Variants in HCN1 observed in about 807,000 individuals in gnomAD.
HCN1 encodes the protein hyperpolarization activated cyclic nucleotide gated potassium channel 1, also known as potassium/sodium hyperpolarization-activated cyclic nucleotide-gated channel 1.
Under a neutral mutation model 78.9 loss-of-function variants are expected in HCN1, and 13 were observed. The observed-to-expected ratio is 0.16, with a 90% CI of 0.11 to 0.26. The LOEUF (loss-of-function observed/expected upper bound fraction) is 0.26. HCN1 is among the 10% of genes least tolerant of loss of function. The pLI, the probability that HCN1 is intolerant of heterozygous loss-of-function variation, is 1.00. For synonymous variants in HCN1, 552 were observed against 455.5 expected (o/e 1.21, Z -2.70); for missense variants, 810 against 1,154.3 (o/e 0.70, Z 4.32).
intron 4 of HCN1, among the ~76,000 whole-genome samples, chr5:45,395,034 T>A (rs983500153): frequency 6.6e-6 from 1 of 152,164 alleles, no homozygotes; most frequent in Admixed American, 6.5e-5. Context: ...ACTTGGCTAA[T>A]ACAGGAAATT....
chr5:45,400,859 G>C (rs561929220), intron 3 of HCN1, among the ~76,000 whole-genome samples: 5 of 152,040 alleles, frequency 3.3e-5, no homozygotes, highest in African/African-American at 1.2e-4. Context: ...ACACACACAT[G>C]CACATACACA....
chr5:45,665,352 G>T (rs1746016806), intron 1 of HCN1, among the ~76,000 whole-genome samples: 1 of 150,874 alleles, frequency 6.6e-6, no homozygotes, highest in South Asian at 2.1e-4. Context: ...AATGCTAAAT[G>T]ACGAGTTAAT....
Position 45,674,579 on chromosome 5 carries a change from T to C in HCN1, c.425+21090A>G, listed in dbSNP as rs568282738. ...TTTATTAGATACAACTTAAGAAAATTTGTGTCCTCTTCTACAACTTACACT... is the reference window on the plus strand; with the variant it reads ...TTTATTAGATACAACTTAAGAAAATCTGTGTCCTCTTCTACAACTTACACT... On this transcript the variant is annotated intron_variant, in intron 1 of 7. Transcript: ENST00000303230. 4.6e-5 allele frequency among the ~76,000 whole-genome samples: 7 copies of C among 151,916 alleles called. No individual in the cohort carries two copies. The East Asian group carries it at 1.4e-3, about 29-fold the overall frequency.
intron 5 of HCN1, among the ~76,000 whole-genome samples, chr5:45,346,004 T>G (rs1318819131): frequency 2.6e-5 from 4 of 152,220 alleles, no homozygotes; most frequent in Non-Finnish European, 5.9e-5. Context: ...CTCAAGAAAC[T>G]TACAAGCATG....
At chr5:45,537,058 G>C (rs1340684156) in intron 2 of HCN1, among the ~76,000 whole-genome samples, 2 of 152,134 alleles carry the variant, frequency 1.3e-5, no homozygotes, top group East Asian at 3.9e-4. Flanking sequence ...CCTTCTCAAA[G>C]GATTTGCCTT....
intron 2 of HCN1, among the ~76,000 whole-genome samples, chr5:45,612,161 T>C (rs1472020037): frequency 6.6e-6 from 1 of 152,228 alleles, no homozygotes; most frequent in African/African-American, 2.4e-5. Flanking sequence ...ATGTTATTTC[T>C]GGAGTCTTGA....
At chr5:45,605,051 G>T (rs1394542685) in intron 2 of HCN1, among the ~76,000 whole-genome samples, 1 of 151,878 alleles carries the variant, frequency 6.6e-6, no homozygotes, top group Non-Finnish European at 1.5e-5. Flanking sequence ...TACACTGAAG[G>T]CTTATTAAAA....
chr5:45,604,467 T>C (rs538866880), intron 2 of HCN1, among the ~76,000 whole-genome samples: 2 of 152,022 alleles, frequency 1.3e-5, no homozygotes, highest in Non-Finnish European at 2.9e-5. Flanking sequence ...TACTAATAAA[T>C]AATGGTATTG....
chr5:45,615,095 C>A (rs1744916899), intron 2 of HCN1, among the ~76,000 whole-genome samples: 1 of 151,612 alleles, frequency 6.6e-6, no homozygotes, highest in African/African-American at 2.4e-5. Context: ...AACAAAACAT[C>A]ATTTCCTGTA....
chr5:45,359,169 T>G (rs1259533009), intron 4 of HCN1, among the ~76,000 whole-genome samples: 1 of 152,042 alleles, frequency 6.6e-6, no homozygotes, highest in Non-Finnish European at 1.5e-5. Context: ...TGTTATAGAG[T>G]CAGATTACAG....
At chr5:45,378,674 C>T (rs1747740744) in intron 4 of HCN1, among the ~76,000 whole-genome samples, 1 of 152,052 alleles carries the variant, frequency 6.6e-6, no homozygotes, top group African/African-American at 2.4e-5. Flanking sequence ...GCACAACGTG[C>T]AGGTTTGTCA....
At chr5:45,689,292 T>G (rs1163794019) in intron 1 of HCN1, among the ~76,000 whole-genome samples, 1 of 151,578 alleles carries the variant, frequency 6.6e-6, no homozygotes, top group Admixed American at 6.6e-5. Context: ...GAAGTTAAAA[T>G]AAAAGTTGAA....
chr5:45,609,941 T>C (rs978880144), intron 2 of HCN1, among the ~76,000 whole-genome samples: 14 of 152,136 alleles, frequency 9.2e-5, no homozygotes, highest in Admixed American at 2.0e-4. Flanking sequence ...TAAAAGACCT[T>C]GGCATTAGAT....
At chr5:45,336,110 G>T (rs1561111831) in intron 5 of HCN1, among the ~76,000 whole-genome samples, 1 of 151,976 alleles carries the variant, frequency 6.6e-6, no homozygotes, top group African/African-American at 2.4e-5. Flanking sequence ...CATGTTAAGT[G>T]GATGGGAGGA....
chr5:45,664,468 A>T (rs1745991965), intron 1 of HCN1, among the ~76,000 whole-genome samples: 1 of 146,312 alleles, frequency 6.8e-6, no homozygotes. Context: ...AATAATAAAA[A>T]AAAGAAAAAA....
intron 3 of HCN1, among the ~76,000 whole-genome samples, chr5:45,443,067 C>T (rs532728290): frequency 2.0e-5 from 3 of 151,968 alleles, no homozygotes; most frequent in African/African-American, 7.2e-5. Context: ...GGGAATTTTG[C>T]CTTCGAAAGT....
chr5:45,443,354 G>GA (rs1387828584), intron 3 of HCN1, among the ~76,000 whole-genome samples: 1 of 151,908 alleles, frequency 6.6e-6, no homozygotes, highest in African/African-American at 2.4e-5. Flanking sequence ...GAAAGTAAAT[G>GA]AAAAAATACA....
chr5:45,514,881 A>T (rs1007236232), intron 2 of HCN1, among the ~76,000 whole-genome samples: 9 of 152,056 alleles, frequency 5.9e-5, no homozygotes, highest in Admixed American at 5.3e-4. Context: ...TTCATTGCAA[A>T]TATTTTTTTC....
In HCN1 at chr5:45,376,186, T is replaced by C. The variant is rs1253923177; in HGVS notation, c.1230+20306A>G. On this transcript the variant is annotated intron_variant, in intron 4 of 7. Transcript: ENST00000303230. ...TTTATAATATATAATATATTACATATAATATATATAACATATTTTATATAT... is the reference window on the plus strand; with the variant it reads ...TTTATAATATATAATATATTACATACAATATATATAACATATTTTATATAT... 6.3e-4 allele frequency among the ~76,000 whole-genome samples: 4 copies of C among 6,380 alleles called. No individual in the cohort carries two copies. In the East Asian group the frequency reaches 0.013, roughly 21 times the overall value. 4.2% of individuals were successfully genotyped at this position (6,380 alleles called of 152,430 possible).
Sources: allele counts gnomAD v4.1 joint callset (sites outside exome capture counted in the v4.1 genomes callset), GRCh38; gene constraint gnomAD v4.1.1; transcripts MANE v1.5; gene names NCBI Gene and HGNC (gene_info 2026-07-23, HGNC 2026-07-21).